The following E2F6 variants were observed in gnomAD, a reference collection of about 807,000 sequenced individuals.
E2F6 encodes the protein transcription factor E2F6.
Under a neutral mutation model 31.5 loss-of-function variants are expected in E2F6, and 19 were observed. That is an observed-to-expected ratio of 0.60 (90% confidence interval 0.42 to 0.89). The LOEUF (loss-of-function observed/expected upper bound fraction) is 0.89, where lower values mean the gene tolerates loss of function less well. Among genes scored for constraint, E2F6 ranks in the 40% least tolerant of loss-of-function variants. E2F6 has a pLI of 0.00. For missense variants in E2F6, 269 were observed against 341.6 expected (o/e 0.79, Z 1.67); for synonymous variants, 121 against 127.7 (o/e 0.95, Z 0.36).
intron 5 of E2F6, among the ~76,000 whole-genome samples, chr2:11,449,245 CT>C (rs1275894403): frequency 6.6e-6 from 1 of 152,216 alleles, no homozygotes; most frequent in African/African-American, 2.4e-5. Context: ...ACCCCATACA[CT>C]GTGGAGTAAT....
rs6736044 is a variant in E2F6 at position 11,455,570 on chromosome 2, T to C, written c.163+1609A>G. ...ACAACAAACTCAGGAAGATTACAAATGAGAAATTCTAACTTTAAAAAGCAT... is the reference window on the plus strand; with the variant it reads ...ACAACAAACTCAGGAAGATTACAAACGAGAAATTCTAACTTTAAAAAGCAT... On this transcript the variant is annotated intron_variant, in intron 2 of 6. Coordinates refer to ENST00000381525, the MANE Select transcript of E2F6 (RefSeq NM_198256.4). 3.4e-3 allele frequency: 2,581 copies of C among 750,156 alleles called. 8 individuals carry two copies. Among genetic ancestry groups the C allele is most frequent in the Non-Finnish European group, 4.4e-3 (2,273 of 510,872 alleles). 46.5% of individuals were successfully genotyped at this position (750,156 alleles called of 1,614,324 possible).
intron 3 of E2F6, among the ~76,000 whole-genome samples, chr2:11,452,379 G>C (rs1026473451): frequency 3.3e-5 from 5 of 152,326 alleles, no homozygotes; most frequent in Admixed American, 6.5e-5. Context: ...TGAGGCAGGT[G>C]AATCAACTGA....
At chr2:11,449,874 T>C in intron 5 of E2F6, 138 bp downstream of exon 5, 1 of 514,432 alleles carries the variant, frequency 1.9e-6, no homozygotes, top group Non-Finnish European at 3.4e-6. Flanking sequence ...AAGTTAAATG[T>C]GTGAAGTGCC....
intron 2 of E2F6, chr2:11,455,274 T>C (rs1671335701): frequency 3.9e-6 from 4 of 1,024,790 alleles, no homozygotes; most frequent in African/African-American, 1.7e-5. Flanking sequence ...GTGGAATATA[T>C]GACTTTCTTT....
rs1670718762 is a variant in E2F6, at chr2:11,446,461, A to G, written c.*16T>C. 6.3e-7 allele frequency: 1 copy of G among 1,591,880 alleles called. No individual in the cohort carries two copies. Among genetic ancestry groups the G allele is most frequent in the Non-Finnish European group, 8.6e-7 (1 of 1,163,616 alleles). On this transcript the variant is annotated 3_prime_UTR_variant, in exon 7 of 7. Transcript: ENST00000381525. ...ATTCCCAAAAAACTCAGTGATACAT[A>G]AATTCTCAAATGCCATCAGTTGCTT...
At chr2:11,465,178 C>CAAAAAAAAAAAAAAAAAAAAAAAAA (rs59561027) in intron 1 of E2F6, among the ~76,000 whole-genome samples, 2 of 88,580 alleles carry the variant, frequency 2.3e-5, no homozygotes, top group Non-Finnish European at 2.1e-5. Context: ...AACTCAATCT[C>CAAAAAAAAAAAAAAAAAAAAAAAAA]AAAAAAAAAA....
At chr2:11,463,949 G>GGGGC (rs926838537) in intron 1 of E2F6, among the ~76,000 whole-genome samples, 4 of 39,040 alleles carry the variant, frequency 1.0e-4, no homozygotes, top group Non-Finnish European at 3.3e-4. Flanking sequence ...ATCCTGCACC[G>GGGGC]GGGGGGGGGA....
In E2F6 at chr2:11,459,484, ATTTGTT is replaced by A. The variant is rs1325178983; in HGVS notation, c.109-2257_109-2252del. On this transcript the variant is annotated intron_variant, in intron 1 of 6. Transcript: ENST00000381525. ...GGGAAAACAGTCTCCAAGAGCATTCATTTGTTTTTTTTTCCTCTTCAAATACAAAAA... is the reference window on the plus strand; with the variant it reads ...GGGAAAACAGTCTCCAAGAGCATTCATTTTTTTCCTCTTCAAATACAAAAA... 7.9e-5 allele frequency among the ~76,000 whole-genome samples: 12 copies of A among 152,224 alleles called. No individual in the cohort carries two copies. In the South Asian group the frequency reaches 2.3e-3, roughly 29 times the overall value.
intron 2 of E2F6, among the ~76,000 whole-genome samples, 172 bp from the exon 3 acceptor site, chr2:11,453,970 T>A (rs1300650269): frequency 6.6e-6 from 1 of 152,152 alleles, no homozygotes; most frequent in Non-Finnish European, 1.5e-5. Flanking sequence ...GGAGAAAAAA[T>A]TCACTGGCCT....
chr2:11,445,564 TAC>T lies in E2F6; in HGVS notation c.*911_*912del, dbSNP rs1235899372. On this transcript the variant is annotated 3_prime_UTR_variant, in exon 7 of 7. Coordinates refer to ENST00000381525, the MANE Select transcript of E2F6 (RefSeq NM_198256.4). ...GGACTGACTCAACAGCAAGGCTGCA[TAC>T]ACAAACATTACAAAATCTACTTGCA... The T allele has an allele frequency of 6.6e-6, 1 of 152,110 alleles. No homozygotes were observed. Among genetic ancestry groups the T allele is most frequent in the Admixed American group, 6.6e-5 (1 of 15,264 alleles). 9.4% of individuals were successfully genotyped at this position (152,110 alleles called of 1,614,324 possible).
At chr2:11,463,089 CCA>C (rs1326154489) in intron 1 of E2F6, among the ~76,000 whole-genome samples, 1 of 152,164 alleles carries the variant, frequency 6.6e-6, no homozygotes, top group Non-Finnish European at 1.5e-5. Flanking sequence ...AGTGGTTTTT[CCA>C]CAGTGAGCTT....
chr2:11,447,534 T>C, intron 6 of E2F6, 93 bp downstream of exon 6: 1 of 1,374,498 alleles, frequency 7.3e-7, no homozygotes, highest in Non-Finnish European at 1.0e-6. Flanking sequence ...TTTTTGTGGC[T>C]AGGAAGAGTA....
intron 1 of E2F6, among the ~76,000 whole-genome samples, chr2:11,460,481 C>A (rs1671707921): frequency 6.6e-6 from 1 of 152,176 alleles, no homozygotes. Flanking sequence ...CTCCCAGGTT[C>A]TCATGCTATG....
In E2F6 at chr2:11,453,758, C is replaced by T. The variant is rs1427826401; in HGVS notation, c.204G>A (p.Leu68=). 3.1e-6 allele frequency: 5 copies of T among 1,614,148 alleles called. No individual in the cohort carries two copies. Among genetic ancestry groups the T allele is most frequent in the Admixed American group, 1.7e-5 (1 of 60,018 alleles). The change falls in exon 3 of 7, where the codon CTG becomes CTA. Residue 68 remains leucine, a synonymous_variant. Coordinates refer to ENST00000381525, the MANE Select transcript of E2F6 (RefSeq NM_198256.4). ...KVKRPRFDVS[L]VYLTRKFMDL... is the part of the protein sequence containing the mutation. ...CCATAAATTTTCGAGTTAAATAAAC[C>T]AGCGATACATCAAAACGAGGTCTCT... is the stretch of plus-strand genomic sequence containing the variant.
intron 1 of E2F6, among the ~76,000 whole-genome samples, chr2:11,460,467 C>A (rs1408879617): frequency 6.6e-6 from 1 of 152,210 alleles, no homozygotes; most frequent in Non-Finnish European, 1.5e-5. Context: ...GTTACACTAG[C>A]AGCCTCCCAG....
At chr2:11,454,754 G>C (rs541355654) in intron 2 of E2F6, among the ~76,000 whole-genome samples, 29 of 151,782 alleles carry the variant, frequency 1.9e-4, no homozygotes, top group African/African-American at 6.0e-4. Context: ...TAATGACTGG[G>C]GTTTTCATAC....
chr2:11,454,349 TCTC>T (rs1308581072), intron 2 of E2F6, among the ~76,000 whole-genome samples: 7 of 149,814 alleles, frequency 4.7e-5, no homozygotes, highest in African/African-American at 1.2e-4. Context: ...GTGGTATCTC[TCTC>T]TTTTTTTTTT....
intron 1 of E2F6, chr2:11,458,382 G>A: frequency 6.5e-7 from 1 of 1,549,804 alleles, no homozygotes; most frequent in Middle Eastern, 1.7e-4. Flanking sequence ...AGACAGGATT[G>A]TGGTACCGGA....
intron 2 of E2F6, chr2:11,455,462 G>A: frequency 6.9e-6 from 9 of 1,298,074 alleles, no homozygotes; most frequent in Admixed American, 2.3e-5. Flanking sequence ...TCTCTCTGGA[G>A]CCCATTCCTA....
Sources: gnomAD v4.1 joint callset for allele counts (sites outside exome capture counted in the v4.1 genomes callset) on GRCh38, gnomAD v4.1.1 for gene constraint, MANE v1.5 for transcripts, NCBI Gene and HGNC (gene_info 2026-07-23, HGNC 2026-07-21) for gene names.